CFAP61: variants seen among roughly 807,000 people sequenced by gnomAD.
CFAP61 encodes the protein cilia and flagella associated protein 61.
CFAP61 carries 107 observed loss-of-function variants against 135.6 expected under a neutral mutation model. The ratio of observed to expected loss-of-function variants is 0.79; its 90% CI spans 0.67 to 0.93. CFAP61 has a LOEUF of 0.93. CFAP61 is among the 40% of genes least tolerant of loss of function. The pLI is 0.00. For missense variants in CFAP61, 1,507 were observed against 1,556.2 expected (o/e 0.97, Z 0.53); for synonymous variants, 575 against 578.5 (o/e 0.99, Z 0.09).
At chr20:20,231,560 C>T (rs902314124) in intron 18 of CFAP61, among the ~76,000 whole-genome samples, 5 of 152,114 alleles carry the variant, frequency 3.3e-5, no homozygotes, top group African/African-American at 1.2e-4. Context: ...AGGGGCGTAG[C>T]GTCATCCAGG....
intron 25 of CFAP61, among the ~76,000 whole-genome samples, chr20:20,330,525 C>G (rs1038161559): frequency 2.0e-5 from 3 of 152,062 alleles, no homozygotes; most frequent in African/African-American, 7.2e-5. Flanking sequence ...TTTGTAGAGA[C>G]AGGGTTTCAC....
At chr20:20,228,173 A>C in intron 17 of CFAP61, 76 bp from the exon 18 acceptor site, 1 of 1,385,624 alleles carries the variant, frequency 7.2e-7, no homozygotes, top group South Asian at 1.4e-5. Flanking sequence ...ATAATTCTAC[A>C]TAGTTGCAAA....
intron 14 of CFAP61, among the ~76,000 whole-genome samples, chr20:20,189,620 AGTGGAATATCCCT>A (rs1351888103): frequency 6.6e-6 from 1 of 152,178 alleles, no homozygotes; most frequent in East Asian, 1.9e-4. Context: ...AGCAAACCAC[AGTGGAATATCCCT>A]GCACACCTAT....
chr20:20,155,910 C>T (rs563189190), intron 9 of CFAP61, among the ~76,000 whole-genome samples: 1 of 152,270 alleles, frequency 6.6e-6, no homozygotes, highest in East Asian at 1.9e-4. Context: ...CCAGCAGTCC[C>T]ACTACTGGGT....
intron 13 of CFAP61, among the ~76,000 whole-genome samples, chr20:20,175,550 G>C (rs919757920): frequency 1.4e-5 from 2 of 147,424 alleles, no homozygotes; most frequent in Non-Finnish European, 3.0e-5. Context: ...TTTTGAGACA[G>C]AGTCTCACTC....
At chr20:20,061,013 C>A (rs2044758606) in intron 2 of CFAP61, among the ~76,000 whole-genome samples, 1 of 152,226 alleles carries the variant, frequency 6.6e-6, no homozygotes, top group Non-Finnish European at 1.5e-5. Context: ...TCAACCCAGG[C>A]AGCCCACAGA....
intron 16 of CFAP61, 50 bp from the exon 17 acceptor site, chr20:20,199,718 T>G (rs1385077801): frequency 6.2e-7 from 1 of 1,609,444 alleles, no homozygotes; most frequent in Non-Finnish European, 8.5e-7. Context: ...ACATCTGTGC[T>G]GAGCCTCTCT....
At chr20:20,162,422 A>G (rs1316570740) in intron 10 of CFAP61, among the ~76,000 whole-genome samples, 1 of 152,178 alleles carries the variant, frequency 6.6e-6, no homozygotes, top group Non-Finnish European at 1.5e-5. Flanking sequence ...GCCCAAGGAA[A>G]ATGCCTTCAG....
intron 20 of CFAP61, among the ~76,000 whole-genome samples, chr20:20,256,778 G>T (rs1254502333): frequency 6.6e-6 from 1 of 152,174 alleles, no homozygotes; most frequent in Non-Finnish European, 1.5e-5. Context: ...TATTCTAGAA[G>T]AAAACTTTTT....
At chr20:20,066,386 A>T (rs2146554690) in intron 2 of CFAP61, among the ~76,000 whole-genome samples, 1 of 152,342 alleles carries the variant, frequency 6.6e-6, no homozygotes, top group East Asian at 1.9e-4. Flanking sequence ...ACGTATGCTT[A>T]TTGCAGCACC....
chr20:20,341,971 G>C, intron 26 of CFAP61, 50 bp downstream of exon 26: 1 of 1,276,544 alleles, frequency 7.8e-7, no homozygotes, highest in Non-Finnish European at 1.1e-6. Context: ...ATTATAAGCA[G>C]CTGATAGCTG....
At position 20,169,407 on chromosome 20, in the gene CFAP61, C is replaced by T. The variant is rs2054061391; in HGVS notation, c.1332C>T (p.Asn444=). 3 of 1,613,952 alleles carry T rather than the reference C, an allele frequency of 1.9e-6. No homozygotes were observed. Among genetic ancestry groups the T allele is most frequent in the South Asian group, 1.1e-5 (1 of 91,080 alleles). The change falls in exon 13 of 27, where the codon AAC becomes AAT. Residue 444 remains asparagine (N), a synonymous_variant. Transcript: ENST00000245957. ...ACTTCGTGAAAATGGTCCCTTTCAA[C>T]ACCTGCACCCTCGAGCAGGACCTCT... ...IQNFVKMVPF[N]TCTLEQDLYV...
chr20:20,087,202 G>T (rs2046869111), intron 6 of CFAP61, among the ~76,000 whole-genome samples: 1 of 152,078 alleles, frequency 6.6e-6, no homozygotes. Context: ...TATATTGCAT[G>T]ATGCTGAGAT....
intron 18 of CFAP61, among the ~76,000 whole-genome samples, chr20:20,239,050 C>A (rs543685091): frequency 6.6e-6 from 1 of 152,016 alleles, no homozygotes; most frequent in African/African-American, 2.4e-5. Context: ...AAGCCAACAC[C>A]ATTAGATCTG....
intron 7 of CFAP61, among the ~76,000 whole-genome samples, chr20:20,095,067 A>T (rs1158763872): frequency 6.6e-6 from 1 of 152,218 alleles, no homozygotes; most frequent in Non-Finnish European, 1.5e-5. Context: ...AACAAAGTTA[A>T]TAAATACTTG....
chr20:20,213,899 ATCTCTCTCTCTC>A (rs72052231), intron 17 of CFAP61, among the ~76,000 whole-genome samples: 3 of 147,526 alleles, frequency 2.0e-5, no homozygotes, highest in Non-Finnish European at 4.5e-5. Flanking sequence ...ATGGTGTGCA[ATCTCTCTCTCTC>A]TCTCTCTCCA....
At chr20:20,172,409 C>A in intron 13 of CFAP61, 1 of 384,080 alleles carries the variant, frequency 2.6e-6, no homozygotes, top group Non-Finnish European at 3.6e-6. Flanking sequence ...CTCAACCTCC[C>A]AAGCTCAGGT....
chr20:20,188,425 A>C (rs1404034471), intron 14 of CFAP61, among the ~76,000 whole-genome samples: 1 of 152,170 alleles, frequency 6.6e-6, no homozygotes, highest in East Asian at 1.9e-4. Context: ...TCTGGTGCCC[A>C]CCTCAGCAGC....
intron 8 of CFAP61, among the ~76,000 whole-genome samples, chr20:20,108,105 C>T (rs1443980531): frequency 6.6e-6 from 1 of 152,136 alleles, no homozygotes; most frequent in Non-Finnish European, 1.5e-5. Flanking sequence ...CCCATTTTGC[C>T]TACTAAATTG....
Sources: allele counts gnomAD v4.1 joint callset (sites outside exome capture counted in the v4.1 genomes callset), GRCh38; gene constraint gnomAD v4.1.1; transcripts MANE v1.5; gene names NCBI Gene and HGNC (gene_info 2026-07-23, HGNC 2026-07-21).